Variants in SLC2A2 observed in about 807,000 individuals in gnomAD.
SLC2A2 encodes the protein solute carrier family 2, facilitated glucose transporter member 2.
Under a neutral mutation model 54.5 loss-of-function variants are expected in SLC2A2, and 36 were observed. The observed-to-expected ratio is 0.66, with a 90% CI of 0.51 to 0.87. SLC2A2 has a LOEUF of 0.87. SLC2A2 is among the 40% of genes least tolerant of loss of function. The pLI, the probability that SLC2A2 is intolerant of heterozygous loss-of-function variation, is 0.00. For synonymous variants in SLC2A2, 223 were observed against 219.1 expected (o/e 1.02, Z -0.16); for missense variants, 543 against 624.3 (o/e 0.87, Z 1.39).
chr3:171,003,466 T>C (rs1576827441), intron 7 of SLC2A2, among the ~76,000 whole-genome samples: 1 of 151,618 alleles, frequency 6.6e-6, no homozygotes, highest in African/African-American at 2.4e-5. Flanking sequence ...GAGGCGGGTG[T>C]AATTATTCTT....
In SLC2A2 at chr3:170,997,962, C is replaced by A. The variant is rs966895511; in HGVS notation, c.1516G>T (p.Ala506Ser). ...TCTACAGCAGCTTTTGGCCTGTGGG[C>A]TGAGCCACTCTTCTTTTGGAATTCT... Reference protein sequence around the residue: ...AAEFQKKSGSAHRPKAAVEMK... With the variant: ...AAEFQKKSGSSHRPKAAVEMK... The change falls in exon 11 of 11, where the codon GCC becomes TCC. Residue 506 changes from alanine to serine, a missense_variant. Transcript: ENST00000314251. The A allele has an allele frequency of 3.7e-6, 6 of 1,613,596 alleles. No homozygotes were observed. The highest frequency in any genetic ancestry group is 5.1e-6 in the Non-Finnish European group (6 of 1,179,758).
intron 7 of SLC2A2, among the ~76,000 whole-genome samples, chr3:171,003,601 G>A (rs1006467622): frequency 1.3e-4 from 19 of 151,866 alleles, no homozygotes; most frequent in Admixed American, 1.1e-3. Flanking sequence ...GAAGCAAAAC[G>A]AAAGTTAATG....
chr3:171,014,727 A>G lies in SLC2A2; in HGVS notation c.113T>C (p.Ile38Thr). The change falls in exon 3 of 11, where the codon ATA becomes ACA. Residue 38 changes from isoleucine to threonine, a missense_variant. Physicochemically the swap from Ile to Thr is moderately conservative, Grantham distance 89 (BLOSUM62 -1). Transcript: ENST00000314251. ...CAAAACATGTCTATAGTGAGATATT[A>G]TTACCTAGGAGATAAAGAAAAATAG... is the stretch of plus-strand genomic sequence containing the variant. Reference protein sequence around the residue: ...IGVINAPQQVIISHYRHVLGV... With the variant: ...IGVINAPQQVTISHYRHVLGV... 6.2e-7 allele frequency: 1 copy of G among 1,612,290 alleles called. No homozygotes were observed. Among genetic ancestry groups the G allele is most frequent in the Non-Finnish European group, 8.5e-7 (1 of 1,178,318 alleles).
intron 1 of SLC2A2, among the ~76,000 whole-genome samples, chr3:171,025,531 T>C (rs1292866959): frequency 6.6e-6 from 1 of 152,134 alleles, no homozygotes; most frequent in Non-Finnish European, 1.5e-5. Flanking sequence ...GTATATTGTA[T>C]CCTAATATGT....
At chr3:171,020,197 A>G (rs957821795) in intron 1 of SLC2A2, among the ~76,000 whole-genome samples, 7 of 151,034 alleles carry the variant, frequency 4.6e-5, no homozygotes, top group African/African-American at 1.7e-4. Flanking sequence ...CAAATTAGCC[A>G]GAACCCTTCA....
At chr3:171,004,321 G>A (rs1401186334) in intron 7 of SLC2A2, among the ~76,000 whole-genome samples, 1 of 152,012 alleles carries the variant, frequency 6.6e-6, no homozygotes, top group Non-Finnish European at 1.5e-5. Context: ...GGAGATATGA[G>A]TTTGGTCTCT....
At chr3:171,001,174 T>A (rs979036818) in intron 8 of SLC2A2, among the ~76,000 whole-genome samples, 5 of 152,080 alleles carry the variant, frequency 3.3e-5, no homozygotes, top group African/African-American at 1.2e-4. Context: ...TCTTTAGATT[T>A]TTTCAGAATT....
At chr3:171,020,213 C>T (rs1716390613) in intron 1 of SLC2A2, among the ~76,000 whole-genome samples, 2 of 152,116 alleles carry the variant, frequency 1.3e-5, no homozygotes, top group African/African-American at 4.8e-5. Context: ...CTTCATTACC[C>T]TGAAAAGCTA....
chr3:171,022,550 G>T (rs1378213207), intron 1 of SLC2A2, among the ~76,000 whole-genome samples: 1 of 152,146 alleles, frequency 6.6e-6, no homozygotes, highest in Admixed American at 6.5e-5. Context: ...AGGAACCTCA[G>T]GGTCTTCCCA....
chr3:171,006,003 A>G lies in SLC2A2; in HGVS notation c.715T>C (p.Cys239Arg), dbSNP rs2108244274. 3 of 1,612,746 alleles carry G rather than the reference A, an allele frequency of 1.9e-6. No individual in the cohort carries two copies. The South Asian group carries it at 3.3e-5, about 18-fold the overall frequency. Reference protein sequence around the residue: ...AILQSLLLFFCPESPRYLYIK... With the variant: ...AILQSLLLFFRPESPRYLYIK... ...TAAAGGTATCTGGGGCTTTCTGGAC[A>G]GAAAAAGAGTAGCAGAGACTGAAGG... The change falls in exon 6 of 11, where the codon TGT becomes CGT. Residue 239 changes from cysteine (C) to arginine (R), a missense_variant. This residue lies in a region of SLC2A2 where 318 missense variants were observed against 343.8 expected (regional missense o/e 0.93). Coordinates refer to ENST00000314251, the MANE Select transcript of SLC2A2 (RefSeq NM_000340.2).
Position 171,002,576 on chromosome 3 carries a change from A to G in SLC2A2, c.1068T>C (p.Ser356=), listed in dbSNP as rs778847631. ...GAVNMVFTAV[S]VFLVEKAGRR... ...GTATTTATCTAGGGCATTGACTTACAGAGACAGCAGTGAAAACCATGTTTA... is the reference window on the plus strand; with the variant it reads ...GTATTTATCTAGGGCATTGACTTACGGAGACAGCAGTGAAAACCATGTTTA... Residue 356 remains serine (S), a splice_region_variant and synonymous_variant, in exon 8 of 11, where the codon TCT becomes TCC. Transcript: ENST00000314251. 16 of 1,589,176 alleles carry G rather than the reference A, an allele frequency of 1.0e-5. No homozygotes were observed. In the South Asian group the frequency reaches 1.7e-4, roughly 17 times the overall value.
intron 4 of SLC2A2, among the ~76,000 whole-genome samples, chr3:171,008,210 T>A (rs1200898228): frequency 6.6e-6 from 1 of 152,144 alleles, no homozygotes; most frequent in Admixed American, 6.6e-5. Flanking sequence ...CTTTGACAAT[T>A]GTTTTCAAAA....
At chr3:171,015,132 T>C (rs774713115) in intron 2 of SLC2A2, among the ~76,000 whole-genome samples, 1 of 152,182 alleles carries the variant, frequency 6.6e-6, no homozygotes, top group Non-Finnish European at 1.5e-5. Context: ...TTATGTAAAT[T>C]TTTTCGAGTT....
At chr3:171,014,042 G>A (rs756473263) in intron 3 of SLC2A2, among the ~76,000 whole-genome samples, 5 of 152,168 alleles carry the variant, frequency 3.3e-5, no homozygotes, top group Admixed American at 6.5e-5. Context: ...TGACTGATCC[G>A]AATGCCAAAT....
At chr3:171,022,915 A>G (rs1018291574) in intron 1 of SLC2A2, among the ~76,000 whole-genome samples, 3 of 152,146 alleles carry the variant, frequency 2.0e-5, no homozygotes, top group Non-Finnish European at 2.9e-5. Context: ...ACAAAAATGA[A>G]AGCTAATTTT....
At position 170,998,212 on chromosome 3, in the gene SLC2A2, A is replaced by G; in HGVS notation, c.1355T>C (p.Leu452Pro). Residue 452 changes from leucine (L) to proline (P), a missense_variant, in exon 10 of 11, where the codon CTG (leucine) becomes CCG (proline). By Grantham distance (98) the Leu-to-Pro change is moderately conservative (BLOSUM62 -3). This residue lies in a region of SLC2A2 where 108 missense variants were observed against 101.3 expected (regional missense o/e 1.07). Coordinates refer to ENST00000314251, the MANE Select transcript of SLC2A2 (RefSeq NM_000340.2). ...SNWTCNFIVALCFQYIADFCG... is the reference protein window; with the variant it reads ...SNWTCNFIVAPCFQYIADFCG... ...GCTTACCGCAATGTACTGGAAACAC[A>G]GAGCTACAATGAAATTGCAGGTCCA... is the stretch of plus-strand genomic sequence containing the variant. The G allele has an allele frequency of 6.2e-7, 1 of 1,613,780 alleles. No individual in the cohort carries two copies. The highest frequency in any genetic ancestry group is 8.5e-7 in the Non-Finnish European group (1 of 1,179,768).
Position 171,007,203 on chromosome 3 carries a change from C to T in SLC2A2, c.557G>A (p.Gly186Glu). 1.2e-6 allele frequency: 2 copies of T among 1,612,776 alleles called. No homozygotes were observed. Among genetic ancestry groups the T allele is most frequent in the Non-Finnish European group, 1.7e-6 (2 of 1,179,202 alleles). ...CAGCTGATGAAAAGTGCCAAGTGCTCCCCTGAGAGCGGTTGGAGCAATTTC... is the reference window on the plus strand; with the variant it reads ...CAGCTGATGAAAAGTGCCAAGTGCTTCCCTGAGAGCGGTTGGAGCAATTTC... Reference protein sequence around the residue: ...IGEIAPTALRGALGTFHQLAI... With the variant: ...IGEIAPTALREALGTFHQLAI... Residue 186 changes from glycine (G) to glutamate (E), a missense_variant, in exon 5 of 11, where the codon GGA becomes GAA. Transcript: ENST00000314251.
At chr3:171,020,656 G>C (rs1375130226) in intron 1 of SLC2A2, among the ~76,000 whole-genome samples, 1 of 152,086 alleles carries the variant, frequency 6.6e-6, no homozygotes, top group African/African-American at 2.4e-5. Flanking sequence ...ACTGAGGTGG[G>C]CAGATGGCTT....
At chr3:171,000,546 C>CAA (rs1296716957) in intron 8 of SLC2A2, among the ~76,000 whole-genome samples, 1 of 148,606 alleles carries the variant, frequency 6.7e-6, no homozygotes, top group Non-Finnish European at 1.5e-5. Flanking sequence ...CCCAGGGCCT[C>CAA]ACGCAAATCC....
Sources: gnomAD v4.1 joint callset for allele counts (sites outside exome capture counted in the v4.1 genomes callset) on GRCh38, gnomAD v4.1.1 for gene constraint, gnomAD v4.1.1 regional missense constraint, MANE v1.5 for transcripts, NCBI Gene and HGNC (gene_info 2026-07-23, HGNC 2026-07-21) for gene names.